PIGU: variants seen among roughly 807,000 people sequenced by gnomAD.
PIGU encodes phosphatidylinositol glycan anchor biosynthesis class U.
PIGU carries 24 observed loss-of-function variants against 49.9 expected under a neutral mutation model. The observed-to-expected ratio is 0.48, with a 90% CI of 0.35 to 0.68. The LOEUF (loss-of-function observed/expected upper bound fraction) is 0.68. PIGU is among the 30% of genes least tolerant of loss of function. The probability of loss-of-function intolerance (pLI) is 0.01; values close to 1 mark genes in which losing one functional copy is unlikely to be tolerated. For synonymous variants in PIGU, 220 were observed against 205.7 expected, an observed-to-expected ratio of 1.07 and a Z score of -0.59; for missense variants, 490 against 532.6, an observed-to-expected ratio of 0.92 and a Z score of 0.79.
intron 7 of PIGU, among the ~76,000 whole-genome samples, chr20:34,608,626 A>T (rs986533533): frequency 1.3e-5 from 2 of 152,186 alleles, no homozygotes; most frequent in Non-Finnish European, 2.9e-5. Flanking sequence ...AGGGCTTGAA[A>T]AAAACTCAGA....
At chr20:34,632,915 T>G (rs535049283) in intron 6 of PIGU, among the ~76,000 whole-genome samples, 49 of 150,822 alleles carry the variant, frequency 3.2e-4, no homozygotes, top group Admixed American at 2.7e-3. Context: ...TGTTTAAGTG[T>G]TGTTAAAAGA....
chr20:34,649,925 T>C lies in PIGU; in HGVS notation c.196-4591A>G, dbSNP rs961768067. ...GTGCAGTGGCGCGATCTCGGCTCAC[T>C]GCAAGCTCCGCCTCCCAGGTTCACG... On this transcript the variant is annotated intron_variant, in intron 2 of 11. Transcript: ENST00000217446. Among the ~76,000 whole-genome samples, 4 of 149,152 alleles carry C rather than the reference T, an allele frequency of 2.7e-5. No homozygotes were observed. The Admixed American group carries it at 2.7e-4, about 10-fold the overall frequency.
At chr20:34,641,644 G>A (rs1488578415) in intron 4 of PIGU, among the ~76,000 whole-genome samples, 3 of 152,112 alleles carry the variant, frequency 2.0e-5, no homozygotes, top group Admixed American at 6.6e-5. Context: ...TCTCCCAGAT[G>A]CATCTGTGTG....
chr20:34,591,676 C>T lies in PIGU; in HGVS notation c.628-3069G>A, dbSNP rs141009314. Among the ~76,000 whole-genome samples, 306 of 152,200 alleles carry T rather than the reference C, an allele frequency of 2.0e-3. 1 individual carries two copies. The highest frequency in any genetic ancestry group is 4.8e-3 in the Admixed American group (74 of 15,268). On this transcript the variant is annotated intron_variant, in intron 7 of 11. Coordinates refer to ENST00000217446, the MANE Select transcript of PIGU (RefSeq NM_080476.5). The stretch of plus-strand genomic sequence containing the variant: ...ATGTATCACTTATTTGTTGTGAGAA[C>T]ACTTAACATCTATTTTCTTAGTAAT...
intron 6 of PIGU, among the ~76,000 whole-genome samples, chr20:34,622,762 T>C (rs1430420559): frequency 6.6e-6 from 1 of 152,160 alleles, no homozygotes; most frequent in African/African-American, 2.4e-5. Context: ...TGATATAACC[T>C]ACCATTTGCT....
chr20:34,637,176 C>T (rs888117699), intron 5 of PIGU, among the ~76,000 whole-genome samples: 9 of 152,172 alleles, frequency 5.9e-5, no homozygotes, highest in Non-Finnish European at 1.3e-4. Context: ...TCTCACAAGG[C>T]CCCTTCTAAT....
intron 5 of PIGU, among the ~76,000 whole-genome samples, chr20:34,636,157 T>C (rs879316174): frequency 2.0e-4 from 31 of 151,276 alleles, no homozygotes; most frequent in Non-Finnish European, 4.0e-4. Flanking sequence ...GCCGTGACTG[T>C]ACCACTGTAC....
At chr20:34,568,662 G>C (rs1170954892) in intron 11 of PIGU, among the ~76,000 whole-genome samples, 1 of 152,200 alleles carries the variant, frequency 6.6e-6, no homozygotes, top group Non-Finnish European at 1.5e-5. Context: ...AGGCAACTCC[G>C]GGAGACAGGA....
intron 4 of PIGU, 137 bp downstream of exon 4, chr20:34,644,027 C>G: frequency 1.4e-6 from 1 of 733,948 alleles, no homozygotes; most frequent in South Asian, 1.7e-5. Flanking sequence ...CCAGAGCTGG[C>G]TGAACAGGCC....
chr20:34,571,339 C>T (rs766165362), intron 11 of PIGU, among the ~76,000 whole-genome samples: 4 of 152,120 alleles, frequency 2.6e-5, no homozygotes, highest in Non-Finnish European at 5.9e-5. Flanking sequence ...GCCGGTATAA[C>T]TAATAATCCA....
At chr20:34,657,446 C>A (rs190116657) in intron 1 of PIGU, among the ~76,000 whole-genome samples, 1 of 152,170 alleles carries the variant, frequency 6.6e-6, no homozygotes, top group Admixed American at 6.5e-5. Flanking sequence ...TTGTGGGCAG[C>A]ACTCATTATA....
At chr20:34,589,532 T>A (rs1344304414) in intron 7 of PIGU, among the ~76,000 whole-genome samples, 1 of 151,704 alleles carries the variant, frequency 6.6e-6, no homozygotes, top group Admixed American at 6.6e-5. Flanking sequence ...TTTGTATTTT[T>A]AGTAGAGACG....
At chr20:34,594,385 T>C (rs1984111903) in intron 7 of PIGU, among the ~76,000 whole-genome samples, 1 of 152,156 alleles carries the variant, frequency 6.6e-6, no homozygotes, top group African/African-American at 2.4e-5. Context: ...ATTCACACAA[T>C]GGCGTACTAC....
In PIGU at chr20:34,567,218, G is replaced by A. The variant is rs8123153; in HGVS notation, c.1195-6239C>T. On this transcript the variant is annotated intron_variant, in intron 11 of 11. Coordinates refer to ENST00000217446, the MANE Select transcript of PIGU (RefSeq NM_080476.5). ...TGGGAGGCAGAGGAGGCTGGCGGCC[G>A]ACTGTGGAGCTGGACAGCACTTTGG... Among the ~76,000 whole-genome samples the A allele has an allele frequency of 3.4e-3, 515 of 152,358 alleles. 1 individual carries two copies. Among genetic ancestry groups the A allele is most frequent in the African/African-American group, 0.011 (469 of 41,584 alleles).
chr20:34,600,181 C>A (rs555982340), intron 7 of PIGU, among the ~76,000 whole-genome samples: 5 of 151,856 alleles, frequency 3.3e-5, no homozygotes, highest in Admixed American at 2.0e-4. Flanking sequence ...CCGAGGCGGG[C>A]GGGTCACTTG....
rs760037412 is a variant in PIGU at position 34,677,081 on chromosome 20, G to C, written c.5C>G (p.Ala2Gly). The C allele has an allele frequency of 6.4e-7, 1 of 1,562,026 alleles. No homozygotes were observed. The highest frequency in any genetic ancestry group is 1.9e-5 in the Admixed American group (1 of 51,894). ...CACCAGCACCAGGACCAAGGGAGCCGCCATGATAACTGGGGCGGGCGCGCG... is the reference window on the plus strand; with the variant it reads ...CACCAGCACCAGGACCAAGGGAGCCCCCATGATAACTGGGGCGGGCGCGCG... Reference protein sequence around the residue: MAAPLVLVLVVA... With the variant: MGAPLVLVLVVA... The change falls in exon 1 of 12, where the codon GCG becomes GGG. Residue 2 changes from alanine to glycine, a missense_variant. Coordinates refer to ENST00000217446, the MANE Select transcript of PIGU (RefSeq NM_080476.5).
At chr20:34,619,699 AACTG>A (rs1168164477) in intron 6 of PIGU, among the ~76,000 whole-genome samples, 4 of 152,204 alleles carry the variant, frequency 2.6e-5, no homozygotes, top group African/African-American at 7.2e-5. Flanking sequence ...GCTTGTCTGA[AACTG>A]ACTGTTTATG....
chr20:34,653,792 AGT>A (rs1054503661), intron 2 of PIGU, among the ~76,000 whole-genome samples: 40 of 152,264 alleles, frequency 2.6e-4, no homozygotes, highest in Non-Finnish European at 5.6e-4. Flanking sequence ...CAATTTCAAG[AGT>A]GTGACATGAG....
At chr20:34,673,036 C>T (rs543977147) in intron 1 of PIGU, among the ~76,000 whole-genome samples, 4 of 151,896 alleles carry the variant, frequency 2.6e-5, no homozygotes, top group Admixed American at 6.6e-5. Context: ...GGGTGGATCA[C>T]GAGGTCAGGA....
Sources: gnomAD v4.1 joint callset for allele counts (sites outside exome capture counted in the v4.1 genomes callset) on GRCh38, gnomAD v4.1.1 for gene constraint, MANE v1.5 for transcripts, NCBI Gene and HGNC (gene_info 2026-07-23, HGNC 2026-07-21) for gene names.